MEI4: variants seen among roughly 807,000 people sequenced by gnomAD.
MEI4 encodes the protein meiotic double-stranded break formation protein 4.
In MEI4, 27 loss-of-function variants were observed where a neutral mutation model predicts 31.4. The ratio of observed to expected loss-of-function variants is 0.86; its 90% confidence interval spans 0.63 to 1.19. The LOEUF is 1.19. Among genes scored for constraint, MEI4 ranks in the 50% most tolerant of loss-of-function variants. The probability of loss-of-function intolerance (pLI) is 0.00; values close to 1 mark genes in which losing one functional copy is unlikely to be tolerated. For synonymous variants in MEI4, 122 were observed against 145.4 expected (o/e 0.84, Z 1.16); for missense variants, 329 against 398.9 (o/e 0.82, Z 1.49).
chr6:77,713,928 A>T (rs1225549215), intron 2 of MEI4, among the ~76,000 whole-genome samples: 2 of 151,982 alleles, frequency 1.3e-5, no homozygotes, highest in East Asian at 1.9e-4. Flanking sequence ...CACAGTTAAG[A>T]TCATGTCTTA....
intron 4 of MEI4, among the ~76,000 whole-genome samples, chr6:77,845,711 C>G (rs1235294699): frequency 1.3e-5 from 2 of 152,124 alleles, no homozygotes; most frequent in East Asian, 3.9e-4. Context: ...AGTTAATCTA[C>G]TTTTATTATG....
Position 77,924,757 on chromosome 6 carries a change from A to G in MEI4, c.*1411A>G, listed in dbSNP as rs1766805908. Reference sequence around the variant, plus strand: ...ACGAAAGGCTAGGCTGAGAAATGTCACATTAGCACTTCCATCCACATGCAT... The same window carrying G: ...ACGAAAGGCTAGGCTGAGAAATGTCGCATTAGCACTTCCATCCACATGCAT... On this transcript the variant is annotated 3_prime_UTR_variant, in exon 5 of 5. Transcript: ENST00000684080. The G allele has an allele frequency of 6.6e-6, 1 of 151,864 alleles. No homozygotes were observed. Among genetic ancestry groups the G allele is most frequent in the Non-Finnish European group, 1.5e-5 (1 of 67,890 alleles). 9.4% of individuals were successfully genotyped at this position (151,864 alleles called of 1,614,324 possible).
intron 2 of MEI4, among the ~76,000 whole-genome samples, chr6:77,713,368 A>AT (rs975092262): frequency 2.0e-5 from 3 of 152,122 alleles, no homozygotes; most frequent in East Asian, 3.9e-4. Context: ...GAACCTAAGA[A>AT]TTTTTTTGTT....
At chr6:77,753,878 A>G (rs980796919) in intron 2 of MEI4, among the ~76,000 whole-genome samples, 1 of 152,194 alleles carries the variant, frequency 6.6e-6, no homozygotes, top group Non-Finnish European at 1.5e-5. Context: ...TAGACTGGAC[A>G]AAGAAAATGT....
At chr6:77,911,089 C>A (rs1293136762) in intron 4 of MEI4, among the ~76,000 whole-genome samples, 1 of 151,896 alleles carries the variant, frequency 6.6e-6, no homozygotes, top group Non-Finnish European at 1.5e-5. Context: ...TGGTTCATGT[C>A]CTTTGCCCAC....
chr6:77,870,258 C>T (rs891521960), intron 4 of MEI4, among the ~76,000 whole-genome samples: 1 of 152,152 alleles, frequency 6.6e-6, no homozygotes, highest in Non-Finnish European at 1.5e-5. Flanking sequence ...TGAACCACAG[C>T]TCCCAATCAC....
intron 4 of MEI4, among the ~76,000 whole-genome samples, chr6:77,841,901 GT>G (rs1770375531): frequency 6.6e-6 from 1 of 152,072 alleles, no homozygotes; most frequent in African/African-American, 2.4e-5. Flanking sequence ...AATGATAAAT[GT>G]GTGTGAGCCT....
chr6:77,729,995 A>G (rs931465930), intron 2 of MEI4, among the ~76,000 whole-genome samples: 4 of 152,062 alleles, frequency 2.6e-5, no homozygotes, highest in Non-Finnish European at 4.4e-5. Flanking sequence ...GATGTGAGCA[A>G]TTGGAACTCT....
At chr6:77,877,012 A>T (rs1187743599) in intron 4 of MEI4, among the ~76,000 whole-genome samples, 3 of 152,196 alleles carry the variant, frequency 2.0e-5, no homozygotes, top group Non-Finnish European at 4.4e-5. Context: ...CTTGCAGAAT[A>T]GATACTTGCC....
chr6:77,832,440 T>G (rs1294826221), intron 4 of MEI4, among the ~76,000 whole-genome samples: 1 of 151,978 alleles, frequency 6.6e-6, no homozygotes, highest in East Asian at 1.9e-4. Context: ...TAATAAAGAT[T>G]AATGGAGGAT....
intron 3 of MEI4, among the ~76,000 whole-genome samples, chr6:77,814,801 A>G (rs978206210): frequency 6.6e-6 from 1 of 151,954 alleles, no homozygotes; most frequent in African/African-American, 2.4e-5. Flanking sequence ...TCCCCTTTAA[A>G]TATTTAAACT....
rs1180436976 is a variant in MEI4 at position 77,847,017 on chromosome 6, T to C, written c.900+17955T>C. On this transcript the variant is annotated intron_variant, in intron 4 of 4. Coordinates refer to ENST00000684080, the MANE Select transcript of MEI4 (RefSeq NM_001322247.2). The surrounding 1 kb of genome is among the most constrained non-coding windows in gnomAD (Gnocchi z 4.6). ...CATTGAGAAACTGAAGGATTTTGTGTTGGGGAAATAATGTTTAACAACAAT... is the reference window on the plus strand; with the variant it reads ...CATTGAGAAACTGAAGGATTTTGTGCTGGGGAAATAATGTTTAACAACAAT... Among the ~76,000 whole-genome samples, 3 of 152,146 alleles carry C rather than the reference T, an allele frequency of 2.0e-5. No homozygotes were observed. The highest frequency in any genetic ancestry group is 7.2e-5 in the African/African-American group (3 of 41,434).
intron 2 of MEI4, among the ~76,000 whole-genome samples, chr6:77,744,340 G>C (rs1386977680): frequency 1.3e-5 from 2 of 152,068 alleles, no homozygotes; most frequent in Non-Finnish European, 2.9e-5. Context: ...CTCAGGAGCC[G>C]ATGCAATCAA....
intron 3 of MEI4, among the ~76,000 whole-genome samples, chr6:77,777,185 T>TA (rs1368709676): frequency 2.6e-5 from 4 of 152,142 alleles, no homozygotes; most frequent in Admixed American, 6.5e-5. Flanking sequence ...ACTGCAACAG[T>TA]AAAAAACTAT....
chr6:77,784,701 G>T (rs1404073059), intron 3 of MEI4, among the ~76,000 whole-genome samples: 1 of 152,142 alleles, frequency 6.6e-6, no homozygotes, highest in Non-Finnish European at 1.5e-5. Context: ...CAAATGACTG[G>T]ATGCTGAGCA....
chr6:77,769,370 C>T (rs1249457731), intron 3 of MEI4, among the ~76,000 whole-genome samples: 1 of 152,162 alleles, frequency 6.6e-6, no homozygotes, highest in Non-Finnish European at 1.5e-5. Flanking sequence ...TTGGCAAGTC[C>T]TGCCACCATG....
intron 4 of MEI4, among the ~76,000 whole-genome samples, chr6:77,867,519 A>G (rs1771072047): frequency 6.6e-6 from 1 of 152,232 alleles, no homozygotes; most frequent in Non-Finnish European, 1.5e-5. Context: ...ACAATGAGAT[A>G]CCACCTCACT....
intron 4 of MEI4, among the ~76,000 whole-genome samples, chr6:77,880,439 T>G (rs901726586): frequency 3.2e-4 from 48 of 152,094 alleles, no homozygotes; most frequent in African/African-American, 1.1e-3. Flanking sequence ...CACCGTGTAT[T>G]GTGGGTATTT....
At chr6:77,800,049 G>A (rs1348793270) in intron 3 of MEI4, among the ~76,000 whole-genome samples, 1 of 152,120 alleles carries the variant, frequency 6.6e-6, no homozygotes. Flanking sequence ...TTGGTAGCTT[G>A]ATGGGGATGG....
Sources: allele counts gnomAD v4.1 joint callset (sites outside exome capture counted in the v4.1 genomes callset), GRCh38; gene constraint gnomAD v4.1.1; non-coding constraint Gnocchi (gnomAD v3.1); transcripts MANE v1.5; gene names NCBI Gene and HGNC (gene_info 2026-07-23, HGNC 2026-07-21).